DLGAP1: variants seen among roughly 807,000 people sequenced by gnomAD.
The protein encoded by DLGAP1 is DLG associated protein 1.
In DLGAP1, 11 loss-of-function variants were observed where a neutral mutation model predicts 90.8. The observed-to-expected ratio is 0.12, with a 90% CI of 0.08 to 0.20. The LOEUF (loss-of-function observed/expected upper bound fraction) is 0.20, where lower values mean the gene tolerates loss of function less well. Ranked by LOEUF, DLGAP1 falls within the 10% of genes least tolerant of loss-of-function variation. DLGAP1 has a pLI of 1.00. For missense variants in DLGAP1, 1,050 were observed against 1,333.8 expected (o/e 0.79, Z 3.31); for synonymous variants, 558 against 540.7 (o/e 1.03, Z -0.44).
At chr18:3,799,002 T>C (rs1482394394) in intron 5 of DLGAP1, among the ~76,000 whole-genome samples, 1 of 152,090 alleles carries the variant, frequency 6.6e-6, no homozygotes, top group Non-Finnish European at 1.5e-5. Context: ...GCCTCCCCAG[T>C]AGTTGGGATT....
At chr18:4,249,629 C>A (rs928256017) in intron 1 of DLGAP1, among the ~76,000 whole-genome samples, 4 of 152,104 alleles carry the variant, frequency 2.6e-5, no homozygotes, top group Non-Finnish European at 5.9e-5. Context: ...ACTCAATTGC[C>A]TAGGCTGGTG....
chr18:3,600,673 TAG>T (rs2056842383), intron 7 of DLGAP1, among the ~76,000 whole-genome samples: 3 of 139,556 alleles, frequency 2.1e-5, no homozygotes, highest in African/African-American at 8.8e-5. Context: ...TAGAGATCTA[TAG>T]ATATCTATAG....
At chr18:3,681,310 G>A (rs1313526509) in intron 7 of DLGAP1, among the ~76,000 whole-genome samples, 2 of 152,138 alleles carry the variant, frequency 1.3e-5, no homozygotes, top group African/African-American at 4.8e-5. Flanking sequence ...CAATAAAAAA[G>A]GATTTCCCTT....
intron 1 of DLGAP1, among the ~76,000 whole-genome samples, chr18:4,433,834 T>C (rs557523666): frequency 2.6e-5 from 4 of 152,308 alleles, no homozygotes; most frequent in African/African-American, 9.6e-5. Context: ...GGATAGGCTC[T>C]AAAAGAGAAA....
At chr18:4,387,028 T>G (rs186405680) in intron 1 of DLGAP1, among the ~76,000 whole-genome samples, 16 of 152,262 alleles carry the variant, frequency 1.1e-4, no homozygotes, top group African/African-American at 3.6e-4. Flanking sequence ...AAACAAGATT[T>G]AAGTTAGTAT....
intron 10 of DLGAP1, among the ~76,000 whole-genome samples, chr18:3,515,130 A>T (rs2050753655): frequency 6.6e-6 from 1 of 152,190 alleles, no homozygotes; most frequent in South Asian, 2.1e-4. Flanking sequence ...TGTTGCGTGC[A>T]ATATTTGTTT....
At chr18:3,623,990 T>G (rs1400448160) in intron 7 of DLGAP1, among the ~76,000 whole-genome samples, 1 of 152,088 alleles carries the variant, frequency 6.6e-6, no homozygotes, top group African/African-American at 2.4e-5. Flanking sequence ...GGCTTCCACA[T>G]CATCCAGACA....
At chr18:3,898,075 T>A (rs750762160) in intron 3 of DLGAP1, among the ~76,000 whole-genome samples, 8 of 152,190 alleles carry the variant, frequency 5.3e-5, no homozygotes, top group Admixed American at 1.3e-4. Context: ...ATTACAGGCG[T>A]GAGCCACTGC....
chr18:3,899,280 A>G (rs1465520765), intron 3 of DLGAP1, among the ~76,000 whole-genome samples: 2 of 152,152 alleles, frequency 1.3e-5, no homozygotes, highest in African/African-American at 4.8e-5. Flanking sequence ...CCTTTACCCA[A>G]ATCTGTGTCA....
intron 2 of DLGAP1, among the ~76,000 whole-genome samples, chr18:4,087,202 A>G (rs1338975396): frequency 4.0e-5 from 6 of 151,406 alleles, no homozygotes; most frequent in Non-Finnish European, 2.9e-5. Context: ...AGATTATCGA[A>G]TGCTCCAGTG....
chr18:4,421,968 C>T (rs2083046367), intron 1 of DLGAP1, among the ~76,000 whole-genome samples: 1 of 152,128 alleles, frequency 6.6e-6, no homozygotes, highest in South Asian at 2.1e-4. Flanking sequence ...CCTGTGTCAG[C>T]CTCCCAAAGT....
chr18:3,597,968 C>T (rs544102764), intron 7 of DLGAP1: 8 of 152,308 alleles, frequency 5.3e-5, no homozygotes, highest in African/African-American at 1.4e-4. Flanking sequence ...CTGGGTAACC[C>T]GTGTAATACT....
intron 2 of DLGAP1, among the ~76,000 whole-genome samples, chr18:4,024,340 A>C (rs561271040): frequency 6.6e-6 from 1 of 152,178 alleles, no homozygotes; most frequent in Non-Finnish European, 1.5e-5. Flanking sequence ...CCATCCTCGT[A>C]GGATCCCCAC....
At chr18:3,580,543 G>A in intron 8 of DLGAP1, 1 of 1,597,566 alleles carries the variant, frequency 6.3e-7, no homozygotes, top group Non-Finnish European at 8.6e-7. Context: ...AGATGGCAGT[G>A]GAGGTGGCAG....
chr18:3,659,109 T>C (rs1258662092), intron 7 of DLGAP1, among the ~76,000 whole-genome samples: 2 of 152,212 alleles, frequency 1.3e-5, no homozygotes, highest in East Asian at 3.8e-4. Context: ...TAGGCCTTTA[T>C]ATTGGGAAGT....
chr18:3,907,973 C>T (rs542119071), intron 3 of DLGAP1, among the ~76,000 whole-genome samples: 1 of 152,310 alleles, frequency 6.6e-6, no homozygotes, highest in African/African-American at 2.4e-5. Flanking sequence ...TAATTGGAGC[C>T]TTAAGAGCTA....
chr18:3,656,119 AT>A (rs2059474374), intron 7 of DLGAP1: 1 of 1,546,604 alleles, frequency 6.5e-7, no homozygotes, highest in Admixed American at 2.0e-5. Context: ...GACACCTTGA[AT>A]AAAAACAAAA....
At chr18:3,587,570 T>C (rs529707488) in intron 7 of DLGAP1, among the ~76,000 whole-genome samples, 9 of 152,292 alleles carry the variant, frequency 5.9e-5, no homozygotes, top group Admixed American at 5.2e-4. Context: ...GGAATAAAAG[T>C]TGGCCACCCC....
chr18:4,090,595 T>C (rs943270552), intron 2 of DLGAP1, among the ~76,000 whole-genome samples: 7 of 152,208 alleles, frequency 4.6e-5, no homozygotes, highest in South Asian at 2.1e-4. Context: ...CAAGAAACAA[T>C]AGACGCTGGC....
Sources: allele counts gnomAD v4.1 joint callset (sites outside exome capture counted in the v4.1 genomes callset), GRCh38; gene constraint gnomAD v4.1.1; transcripts MANE v1.5; gene names NCBI Gene and HGNC (gene_info 2026-07-23, HGNC 2026-07-21).